Variants in ITPR1 observed in about 807,000 individuals in gnomAD.
ITPR1 encodes the protein inositol 1,4,5-trisphosphate receptor type 1.
A neutral mutation model predicts 318.4 loss-of-function variants in ITPR1; 96 were observed. The observed-to-expected ratio is 0.30, with a 90% confidence interval of 0.26 to 0.36. ITPR1 has a LOEUF of 0.36. Ranked by LOEUF, ITPR1 falls within the 10% of genes least tolerant of loss-of-function variation. ITPR1 has a pLI of 1.00. For missense variants in ITPR1, 2,440 were observed against 3,460.2 expected, an observed-to-expected ratio of 0.71 and a Z score of 7.40; for synonymous variants, 1,312 against 1,289.9, an observed-to-expected ratio of 1.02 and a Z score of -0.37.
At chr3:4,698,858 A>G (rs895495052) in intron 34 of ITPR1, among the ~76,000 whole-genome samples, 4 of 152,136 alleles carry the variant, frequency 2.6e-5, no homozygotes, top group Admixed American at 2.6e-4. Context: ...ATAAAACTTG[A>G]TTTTTTAAAA....
chr3:4,684,296 C>A lies in ITPR1; in HGVS notation c.3514C>A (p.Pro1172Thr). ...TGGTTTCTAGGAGGGAAATAACAAG[C>A]CACAAAAGCATGAAAGCACCAGCAG... ...HKKTEEGNNKPQKHESTSSYN... is the reference protein window; with the variant it reads ...HKKTEEGNNKTQKHESTSSYN... Residue 1172 changes from proline (P) to threonine (T), a missense_variant, in exon 29 of 62, where the codon CCA becomes ACA. This residue lies in a region of ITPR1 where 86 missense variants were observed against 75.6 expected (regional missense o/e 1.14). Transcript: ENST00000649015. The A allele has an allele frequency of 2.5e-6, 4 of 1,611,978 alleles. No homozygotes were observed. Among genetic ancestry groups the A allele is most frequent in the Non-Finnish European group, 3.4e-6 (4 of 1,178,590 alleles).
At chr3:4,684,392 C>T (rs756014705) in intron 29 of ITPR1, 46 bp downstream of exon 29, 2 of 1,368,578 alleles carry the variant, frequency 1.5e-6, no homozygotes. Flanking sequence ...TATGAATTCT[C>T]TAAGGAGCTT....
At chr3:4,651,912 C>G (rs1383697235) in intron 10 of ITPR1, among the ~76,000 whole-genome samples, 1 of 152,228 alleles carries the variant, frequency 6.6e-6, no homozygotes, top group Non-Finnish European at 1.5e-5. Flanking sequence ...TGTATGTTAA[C>G]TAGGAGACTC....
At chr3:4,717,449 G>C in intron 40 of ITPR1, 50 bp downstream of exon 40, 1 of 1,419,470 alleles carries the variant, frequency 7.0e-7, no homozygotes, top group Non-Finnish European at 9.8e-7. Flanking sequence ...TGGTGTTTCC[G>C]TGACACCTTC....
intron 30 of ITPR1, among the ~76,000 whole-genome samples, chr3:4,686,523 G>T (rs990714848): frequency 2.0e-5 from 3 of 152,182 alleles, no homozygotes; most frequent in Non-Finnish European, 4.4e-5. Context: ...AATATCATCA[G>T]TTTCCCTAAT....
At chr3:4,650,623 G>GTGTA (rs1393618013) in intron 10 of ITPR1, among the ~76,000 whole-genome samples, 1 of 141,482 alleles carries the variant, frequency 7.1e-6, no homozygotes, top group East Asian at 2.0e-4. Context: ...GTGTGTGTGT[G>GTGTA]TGTGTGTGTG....
At chr3:4,743,560 C>A (rs1234708691) in intron 44 of ITPR1, among the ~76,000 whole-genome samples, 1 of 152,228 alleles carries the variant, frequency 6.6e-6, no homozygotes, top group African/African-American at 2.4e-5. Flanking sequence ...ATAAGAGGCA[C>A]AATCCCTTTG....
At chr3:4,523,000 G>C (rs1309291730) in intron 4 of ITPR1, among the ~76,000 whole-genome samples, 1 of 152,176 alleles carries the variant, frequency 6.6e-6, no homozygotes, top group Non-Finnish European at 1.5e-5. Context: ...CTGGGCATTG[G>C]GATTTTTGAA....
intron 2 of ITPR1, among the ~76,000 whole-genome samples, chr3:4,513,540 G>A (rs1230034464): frequency 1.3e-5 from 2 of 152,218 alleles, no homozygotes; most frequent in South Asian, 4.2e-4. Context: ...GTGATTTCAG[G>A]GGGAGATGTA....
intron 4 of ITPR1, among the ~76,000 whole-genome samples, chr3:4,530,200 A>T (rs142782426): frequency 6.6e-6 from 1 of 152,196 alleles, no homozygotes; most frequent in Non-Finnish European, 1.5e-5. Context: ...ATTTATCACT[A>T]TCTGATAAAT....
chr3:4,523,318 TTTTTAAATCGACATATA>T (rs2124932295), intron 4 of ITPR1, among the ~76,000 whole-genome samples: 1 of 152,324 alleles, frequency 6.6e-6, no homozygotes, highest in South Asian at 2.1e-4. Flanking sequence ...AAAATTTTGT[TTTTTAAATCGACATATA>T]TTTATGGTGT....
Position 4,658,211 on chromosome 3 carries a change from A to G in ITPR1, c.1084A>G (p.Asn362Asp), listed in dbSNP as rs2093756579. 1 of 1,613,728 alleles carries G rather than the reference A, an allele frequency of 6.2e-7. No homozygotes were observed. The highest frequency in any genetic ancestry group is 2.2e-5 in the East Asian group (1 of 44,838). The part of the protein sequence containing the change: ...VYSLVSVPEG[N>D]DISSIFELDP... ...CTCCCTGGTCTCTGTGCCTGAAGGC[A>G]ATGACATCTCCTCCATTTTCGAGCT... The change falls in exon 13 of 62, where the codon AAT (asparagine) becomes GAT (aspartate). Residue 362 changes from asparagine (N) to aspartate (D), a missense_variant. Around this residue, in one of 23 missense-constraint regions of ITPR1, gnomAD observed 101 missense variants for 119.6 expected, o/e 0.84. Coordinates refer to ENST00000649015, the MANE Select transcript of ITPR1 (RefSeq NM_001378452.1).
At chr3:4,505,040 C>T (rs1040690484) in intron 2 of ITPR1, among the ~76,000 whole-genome samples, 3 of 151,938 alleles carry the variant, frequency 2.0e-5, no homozygotes, top group South Asian at 4.1e-4. Context: ...CTGGGTGCTG[C>T]TTGACCTAAA....
chr3:4,523,227 A>G (rs1051475624), intron 4 of ITPR1, among the ~76,000 whole-genome samples: 6 of 152,166 alleles, frequency 3.9e-5, no homozygotes, highest in African/African-American at 1.4e-4. Context: ...GAGCTGGGAG[A>G]TGAACCTGGG....
intron 4 of ITPR1, among the ~76,000 whole-genome samples, chr3:4,562,381 A>G (rs1575539587): frequency 1.3e-5 from 2 of 152,330 alleles, no homozygotes; most frequent in South Asian, 4.1e-4. Context: ...TTGGCTTATG[A>G]TAACCATAGA....
intron 61 of ITPR1, among the ~76,000 whole-genome samples, chr3:4,838,253 G>T (rs916869043): frequency 2.6e-5 from 4 of 152,126 alleles, no homozygotes; most frequent in African/African-American, 9.7e-5. Context: ...TCTGAGCTTG[G>T]TAGCTACATA....
At chr3:4,607,360 C>T (rs772657318) in intron 4 of ITPR1, among the ~76,000 whole-genome samples, 6 of 152,204 alleles carry the variant, frequency 3.9e-5, no homozygotes, top group Non-Finnish European at 7.4e-5. Flanking sequence ...GTTGCAGGGC[C>T]GCTTGCCTTA....
At chr3:4,815,448 TTAAC>T (rs1194981425) in intron 59 of ITPR1, among the ~76,000 whole-genome samples, 6 of 152,324 alleles carry the variant, frequency 3.9e-5, no homozygotes, top group African/African-American at 1.2e-4. Flanking sequence ...CTTCTACCAC[TTAAC>T]TAACTGTGTA....
intron 44 of ITPR1, among the ~76,000 whole-genome samples, chr3:4,754,469 A>G (rs148261787): frequency 7.9e-5 from 12 of 152,268 alleles, no homozygotes; most frequent in Non-Finnish European, 1.3e-4. Context: ...CATGTGGGTG[A>G]GCTGAGACAG....
Sources: allele counts gnomAD v4.1 joint callset (sites outside exome capture counted in the v4.1 genomes callset), GRCh38; gene constraint gnomAD v4.1.1; regional missense constraint gnomAD v4.1.1; transcripts MANE v1.5; gene names NCBI Gene and HGNC (gene_info 2026-07-23, HGNC 2026-07-21).